The following WDR49 variants were observed in gnomAD, a reference collection of about 807,000 sequenced individuals.
WDR49 encodes cilia- and flagella-associated protein 337.
A neutral mutation model predicts 119.5 loss-of-function variants in WDR49; 107 were observed. The observed-to-expected ratio is 0.90, with a 90% CI of 0.77 to 1.05. WDR49 has a LOEUF of 1.05. Among genes scored for constraint, WDR49 ranks in the 50% least tolerant of loss-of-function variants. The probability of loss-of-function intolerance (pLI) is 0.00; values close to 1 mark genes in which losing one functional copy is unlikely to be tolerated. For synonymous variants in WDR49, 425 were observed against 418.8 expected, an observed-to-expected ratio of 1.01 and a Z score of -0.18; for missense variants, 1,240 against 1,220.5, an observed-to-expected ratio of 1.02 and a Z score of -0.24.
intron 2 of WDR49, among the ~76,000 whole-genome samples, chr3:167,643,831 T>G (rs1010467912): frequency 1.3e-5 from 2 of 152,066 alleles, no homozygotes; most frequent in Non-Finnish European, 2.9e-5. Flanking sequence ...TTCATCTATT[T>G]TACTGATAAT....
In WDR49 at chr3:167,549,653, C is replaced by T. The variant is rs536759516; in HGVS notation, c.1823+4997G>A. On this transcript the variant is annotated intron_variant, in intron 10 of 18. Transcript: ENST00000682715. ...TCCCATTCTGTAGGTTGCCTGTTCA[C>T]TCTGATGGTAGTTTCTTTTGCTATG... 5.9e-5 allele frequency among the ~76,000 whole-genome samples: 9 copies of T among 152,266 alleles called. No individual in the cohort carries two copies. The South Asian group carries it at 1.9e-3, about 32-fold the overall frequency.
chr3:167,571,503 C>A (rs1713938649), intron 8 of WDR49, among the ~76,000 whole-genome samples: 1 of 152,022 alleles, frequency 6.6e-6, no homozygotes, highest in African/African-American at 2.4e-5. Flanking sequence ...TATTTATCTA[C>A]AAAAAAGTCA....
At chr3:167,647,314 A>T (rs375976321) in intron 2 of WDR49, among the ~76,000 whole-genome samples, 1 of 152,298 alleles carries the variant, frequency 6.6e-6, no homozygotes, top group East Asian at 1.9e-4. Context: ...TCTTCATCAC[A>T]CACTGATCCA....
chr3:167,525,912 T>G (rs1413354525), intron 15 of WDR49, among the ~76,000 whole-genome samples: 3 of 151,864 alleles, frequency 2.0e-5, no homozygotes, highest in Non-Finnish European at 4.4e-5. Flanking sequence ...TCTTTTCCTT[T>G]CCCTTTCCCC....
intron 2 of WDR49, among the ~76,000 whole-genome samples, chr3:167,648,793 G>A (rs1200430900): frequency 1.3e-5 from 2 of 152,066 alleles, no homozygotes; most frequent in East Asian, 3.9e-4. Flanking sequence ...GCGGAAGGTG[G>A]GGACAGCCTG....
At chr3:167,600,838 A>G (rs1193694551) in intron 7 of WDR49, among the ~76,000 whole-genome samples, 1 of 152,240 alleles carries the variant, frequency 6.6e-6, no homozygotes, top group Admixed American at 6.5e-5. Flanking sequence ...CTGCATGGTG[A>G]GAAAAGATAA....
intron 5 of WDR49, among the ~76,000 whole-genome samples, chr3:167,612,789 C>T (rs1716401804): frequency 1.3e-5 from 2 of 152,016 alleles, no homozygotes; most frequent in Non-Finnish European, 2.9e-5. Flanking sequence ...TAAGCAAAAT[C>T]AGCCAGGCAC....
At chr3:167,657,595 C>CTCTT (rs918749653), upstream of WDR49, among the ~76,000 whole-genome samples, 6 of 151,488 alleles carry the variant, frequency 4.0e-5, no homozygotes, top group African/African-American at 1.5e-4. Flanking sequence ...CTTCTAACTC[C>CTCTT]TCTTTCTTTC....
intron 9 of WDR49, among the ~76,000 whole-genome samples, chr3:167,557,734 C>G (rs1161206901): frequency 2.9e-5 from 4 of 139,668 alleles, no homozygotes; most frequent in Non-Finnish European, 4.5e-5. Flanking sequence ...GCCTGGGCAA[C>G]AGAGCGAGAC....
rs773178060 is a variant in WDR49 at position 167,522,317 on chromosome 3, G to A, written c.2772C>T (p.Tyr924=). The A allele has an allele frequency of 1.9e-6, 3 of 1,580,998 alleles. No homozygotes were observed. Among genetic ancestry groups the A allele is most frequent in the Admixed American group, 2.0e-5 (1 of 50,120 alleles). ...LNKKNKDDST[Y]NVRPSEDINL... is the part of the protein sequence containing the mutation. ...GGCTAATGTTCAAAATTACTTACTT[G>A]TATGTTGAGTCATCTTTGTTTTTCT... The change falls in exon 16 of 19, where the codon TAC becomes TAT. Residue 924 remains tyrosine, a splice_region_variant and synonymous_variant. Coordinates refer to ENST00000682715, the MANE Select transcript of WDR49 (RefSeq NM_001366157.1).
intron 18 of WDR49, among the ~76,000 whole-genome samples, chr3:167,485,854 C>T (rs1464757609): frequency 1.3e-5 from 2 of 151,770 alleles, no homozygotes; most frequent in South Asian, 2.1e-4. Context: ...CAAATATTTC[C>T]CCAATGTTGC....
chr3:167,479,663 G>T (rs1750622328), intron 18 of WDR49, among the ~76,000 whole-genome samples: 1 of 152,072 alleles, frequency 6.6e-6, no homozygotes, highest in Non-Finnish European at 1.5e-5. Context: ...CCAATTGGTG[G>T]AAACTAGAAG....
At chr3:167,651,105 C>T (rs140482317) in intron 2 of WDR49, among the ~76,000 whole-genome samples, 5 of 152,230 alleles carry the variant, frequency 3.3e-5, no homozygotes, top group East Asian at 1.9e-4. Flanking sequence ...CGGAAATACA[C>T]GTAAAACATT....
intron 5 of WDR49, among the ~76,000 whole-genome samples, chr3:167,605,799 A>C (rs1337756594): frequency 2.0e-5 from 3 of 152,220 alleles, no homozygotes; most frequent in Non-Finnish European, 4.4e-5. Flanking sequence ...AGGTAAAGAA[A>C]TAGGGATTCA....
intron 18 of WDR49, among the ~76,000 whole-genome samples, chr3:167,495,722 A>C (rs1182792719): frequency 6.6e-6 from 1 of 151,148 alleles, no homozygotes; most frequent in Non-Finnish European, 1.5e-5. Flanking sequence ...ATACACACAC[A>C]AAAAAAACAG....
intron 13 of WDR49, among the ~76,000 whole-genome samples, chr3:167,530,637 C>G (rs1752815642): frequency 6.6e-6 from 1 of 151,812 alleles, no homozygotes; most frequent in Non-Finnish European, 1.5e-5. Context: ...ATTAGCAATT[C>G]TTTCAAATTC....
intron 15 of WDR49, among the ~76,000 whole-genome samples, chr3:167,527,450 G>A (rs764203115): frequency 2.6e-4 from 40 of 151,820 alleles, no homozygotes; most frequent in Admixed American, 8.5e-4. Flanking sequence ...TGATTATTAC[G>A]TTCTTAGTTA....
At chr3:167,588,767 C>A (rs1714956619) in intron 7 of WDR49, among the ~76,000 whole-genome samples, 1 of 152,004 alleles carries the variant, frequency 6.6e-6, no homozygotes, top group Non-Finnish European at 1.5e-5. Flanking sequence ...GGTATTTAGC[C>A]CATTTTTAAT....
At chr3:167,634,364 T>C (rs1463559683) in intron 2 of WDR49, among the ~76,000 whole-genome samples, 1 of 151,936 alleles carries the variant, frequency 6.6e-6, no homozygotes, top group African/African-American at 2.4e-5. Context: ...TAACCAGTTA[T>C]TAAATTGTCT....
Sources: gnomAD v4.1 joint callset for allele counts (sites outside exome capture counted in the v4.1 genomes callset) on GRCh38, gnomAD v4.1.1 for gene constraint, MANE v1.5 for transcripts, NCBI Gene and HGNC (gene_info 2026-07-23, HGNC 2026-07-21) for gene names.